RTKN: variants seen among roughly 807,000 people sequenced by gnomAD.
The protein encoded by RTKN is rhotekin.
RTKN carries 49 observed loss-of-function variants against 63.5 expected under a neutral mutation model. The ratio of observed to expected loss-of-function variants is 0.77; its 90% CI spans 0.61 to 0.98. RTKN has a LOEUF of 0.98. RTKN is among the 50% of genes least tolerant of loss of function. The probability of loss-of-function intolerance (pLI) is 0.00; values close to 1 mark genes in which losing one functional copy is unlikely to be tolerated. For synonymous variants in RTKN, 295 were observed against 290.4 expected (o/e 1.02, Z -0.16); for missense variants, 685 against 740.8 (o/e 0.92, Z 0.87).
intron 1 of RTKN, among the ~76,000 whole-genome samples, chr2:74,433,806 G>A (rs1481515635): frequency 6.6e-6 from 1 of 151,784 alleles, no homozygotes; most frequent in Non-Finnish European, 1.5e-5. Context: ...TTGTGGCATT[G>A]TTTTAAACAC....
rs148080364 is a variant in RTKN, at chr2:74,428,394, T to C, written c.960A>G (p.Gln320=). 4.7e-5 allele frequency: 76 copies of C among 1,614,040 alleles called. 1 individual carries two copies. Among genetic ancestry groups the C allele is most frequent in the Admixed American group, 4.7e-4 (28 of 59,998 alleles). ...PTASGTLRVQ[Q]AGEMQNWAQV... is the part of the protein sequence containing the mutation. ...GTGCCCAGTTCTGCATCTCCCCAGC[T>C]TGCTGCACAAATGACTCAACATTTT... is the stretch of plus-strand genomic sequence containing the variant. The change falls in exon 9 of 12, where the codon CAA becomes CAG. Residue 320 remains glutamine, a splice_region_variant and synonymous_variant. Coordinates refer to ENST00000272430, the MANE Select transcript of RTKN (RefSeq NM_001015055.2).
In RTKN at chr2:74,428,324, G is replaced by A; in HGVS notation, c.1030C>T (p.Gln344Ter). ...LKGTNLFCYR[Q>*]PEDADTGEEP... ...TCCCCAGTGTCTGCATCCTCAGGTT[G>A]CCGGTAACAGAAGAGGTTTGTGCCT... is the stretch of plus-strand genomic sequence containing the variant. The change falls in exon 9 of 12, where the codon CAA becomes TAA. Residue 344 changes from glutamine (Q) to a stop codon, truncating the protein, a stop_gained. Coordinates refer to ENST00000272430, the MANE Select transcript of RTKN (RefSeq NM_001015055.2). LOFTEE classifies it high-confidence loss of function. 1 of 1,614,154 alleles carries A rather than the reference G, an allele frequency of 6.2e-7. No individual in the cohort carries two copies. Among genetic ancestry groups the A allele is most frequent in the Non-Finnish European group, 8.5e-7 (1 of 1,180,022 alleles).
At chr2:74,439,408 A>C (rs1671225044) in intron 1 of RTKN, 1 of 852,032 alleles carries the variant, frequency 1.2e-6, no homozygotes, top group African/African-American at 1.7e-5. Context: ...CACCCAACAC[A>C]AGGCATAGGG....
chr2:74,433,703 C>A (rs1311757082), intron 1 of RTKN, among the ~76,000 whole-genome samples: 2 of 152,096 alleles, frequency 1.3e-5, no homozygotes, highest in East Asian at 1.9e-4. Context: ...CAGTGTTAAC[C>A]GGGATGGTCT....
chr2:74,438,900 C>G (rs1156651118), intron 1 of RTKN, among the ~76,000 whole-genome samples: 1 of 152,196 alleles, frequency 6.6e-6, no homozygotes, highest in African/African-American at 2.4e-5. Context: ...TCTGTTCTCC[C>G]ACTACAATGG....
intron 1 of RTKN, 60 bp from the exon 2 acceptor site, chr2:74,432,726 C>G: frequency 6.8e-7 from 1 of 1,477,516 alleles, no homozygotes; most frequent in South Asian, 1.2e-5. Context: ...GGCTAAAGCA[C>G]TCCCCAGTCC....
At position 74,437,968 on chromosome 2, in the gene RTKN, T is replaced by C. The variant is rs529235805; in HGVS notation, c.111+3738A>G. The stretch of plus-strand genomic sequence containing the variant: ...TGCACAGTTTATGCCAAGACGGTCC[T>C]GAGAAAGATTCTGAGGCCAGGTCTG... On this transcript the variant is annotated intron_variant, in intron 1 of 11. Coordinates refer to ENST00000272430, the MANE Select transcript of RTKN (RefSeq NM_001015055.2). 7.9e-5 allele frequency among the ~76,000 whole-genome samples: 12 copies of C among 152,282 alleles called. No individual in the cohort carries two copies. In the East Asian group the frequency reaches 2.1e-3, roughly 27 times the overall value.
At chr2:74,440,272 GGC>G (rs1049754485) in intron 1 of RTKN, 1 of 802,330 alleles carries the variant, frequency 1.2e-6, no homozygotes, top group Non-Finnish European at 1.5e-6. Flanking sequence ...GGGGTGAGTT[GGC>G]AAAGCAGCCC....
At position 74,430,389 on chromosome 2, in the gene RTKN, CAAAA is replaced by C. The variant is rs1469834038; in HGVS notation, c.428-24_428-21del. 6.2e-7 allele frequency: 1 copy of C among 1,613,878 alleles called. No individual in the cohort carries two copies. The highest frequency in any genetic ancestry group is 8.5e-7 in the Non-Finnish European group (1 of 1,179,740). ...GCAAGTCTGGGGACAAAGGGCAAAACAAAAAACACGTCCCACGAGAGCCTCCTAC... is the reference window on the plus strand; with the variant it reads ...GCAAGTCTGGGGACAAAGGGCAAAACAACACGTCCCACGAGAGCCTCCTAC... On this transcript the variant is annotated intron_variant, in intron 4 of 11. Transcript: ENST00000272430.
At chr2:74,427,372 T>G in intron 10 of RTKN, 52 bp downstream of exon 10, 1 of 1,608,548 alleles carries the variant, frequency 6.2e-7, no homozygotes, top group Non-Finnish European at 8.5e-7. Context: ...TTAGTAAAAA[T>G]GACAAACTCC....
intron 2 of RTKN, 154 bp downstream of exon 2, chr2:74,432,313 G>A (rs1395214305): frequency 2.5e-6 from 2 of 796,306 alleles, no homozygotes; most frequent in African/African-American, 1.7e-5. Context: ...ACACACAGTG[G>A]TGGTAAAACA....
In RTKN at chr2:74,432,445, G is replaced by C; in HGVS notation, c.311+22C>G. 3 of 1,602,690 alleles carry C rather than the reference G, an allele frequency of 1.9e-6. No homozygotes were observed. In the South Asian group the frequency reaches 3.3e-5, roughly 18 times the overall value. ...CAGAAGGCCTCCTGCCTCCATCGAG[G>C]CCTCGTCTCCCCCTTGCTCACCGCC... On this transcript the variant is annotated intron_variant, in intron 2 of 11. Transcript: ENST00000272430.
intron 9 of RTKN, chr2:74,427,994 G>A: frequency 1.9e-6 from 1 of 531,750 alleles, no homozygotes; most frequent in Non-Finnish European, 3.4e-6. Context: ...ATCTGAGGGA[G>A]AAGAGGGAGA....
At chr2:74,437,044 A>G (rs1480901513) in intron 1 of RTKN, among the ~76,000 whole-genome samples, 1 of 150,792 alleles carries the variant, frequency 6.6e-6, no homozygotes, top group Non-Finnish European at 1.5e-5. Context: ...CACCCCTCCC[A>G]CTCTCTTAAG....
At chr2:74,428,599 C>T in intron 8 of RTKN, 32 bp downstream of exon 8, 1 of 1,587,838 alleles carries the variant, frequency 6.3e-7, no homozygotes, top group Non-Finnish European at 8.6e-7. Flanking sequence ...TGCCTTCTCC[C>T]TGCTCCCTTC....
At chr2:74,427,726 C>G in intron 9 of RTKN, 134 bp from the exon 10 acceptor site, 1 of 945,996 alleles carries the variant, frequency 1.1e-6, no homozygotes, top group Non-Finnish European at 1.6e-6. Flanking sequence ...TCCTACTGAC[C>G]AGAGTAGGAA....
At position 74,430,388 on chromosome 2, in the gene RTKN, AC is replaced by A. The variant is rs768737160; in HGVS notation, c.428-20del. The A allele has an allele frequency of 1.7e-5, 28 of 1,613,814 alleles. No homozygotes were observed. Among genetic ancestry groups the A allele is most frequent in the Non-Finnish European group, 2.3e-5 (27 of 1,179,780 alleles). ...TGCAAGTCTGGGGACAAAGGGCAAA[AC>A]AAAAAACACGTCCCACGAGAGCCTC... On this transcript the variant is annotated intron_variant, in intron 4 of 11. Transcript: ENST00000272430.
In RTKN at chr2:74,429,848, C is replaced by A; in HGVS notation, c.735G>T (p.Leu245Phe). The change falls in exon 6 of 12, where the codon TTG becomes TTT. Residue 245 changes from leucine (L) to phenylalanine (F), a missense_variant. Leu to Phe is a conservative substitution (Grantham distance 22). Transcript: ENST00000272430. Reference protein sequence around the residue: ...SAGGSGSSPILLPTPVVGGPR... With the variant: ...SAGGSGSSPIFLPTPVVGGPR... ...CTTACCCAACAACTGGGGTGGGGAG[C>A]AAGATGGGACTGCTCCCTGAACCCC... 6.2e-7 allele frequency: 1 copy of A among 1,613,862 alleles called. No individual in the cohort carries two copies. The highest frequency in any genetic ancestry group is 1.1e-5 in the South Asian group (1 of 91,056).
At chr2:74,439,503 C>G in intron 1 of RTKN, 1 of 1,599,142 alleles carries the variant, frequency 6.3e-7, no homozygotes, top group Non-Finnish European at 8.6e-7. Flanking sequence ...GAGATTGGGG[C>G]TGGGATGCAA....
Sources: allele counts gnomAD v4.1 joint callset (sites outside exome capture counted in the v4.1 genomes callset), GRCh38; gene constraint gnomAD v4.1.1; transcripts MANE v1.5; gene names NCBI Gene and HGNC (gene_info 2026-07-23, HGNC 2026-07-21).